ITGB5: variants seen among roughly 807,000 people sequenced by gnomAD.
ITGB5 encodes integrin subunit beta 5.
In ITGB5, 38 loss-of-function variants were observed where a neutral mutation model predicts 84.8. The ratio of observed to expected loss-of-function variants is 0.45; its 90% confidence interval spans 0.35 to 0.59. The LOEUF (loss-of-function observed/expected upper bound fraction) is 0.59, where lower values mean the gene tolerates loss of function less well. ITGB5 is among the 20% of genes least tolerant of loss of function. The probability of loss-of-function intolerance (pLI) is 0.01; values close to 1 mark genes in which losing one functional copy is unlikely to be tolerated. For missense variants in ITGB5, 905 were observed against 1,034.5 expected (o/e 0.87, Z 1.72); for synonymous variants, 393 against 414.4 (o/e 0.95, Z 0.63).
intron 12 of ITGB5, among the ~76,000 whole-genome samples, chr3:124,768,265 A>G (rs921045861): frequency 6.6e-6 from 1 of 152,210 alleles, no homozygotes; most frequent in African/African-American, 2.4e-5. Flanking sequence ...TTCAAGGTGC[A>G]TAATTTCCCC....
At chr3:124,804,865 C>G (rs2064370648) in intron 9 of ITGB5, among the ~76,000 whole-genome samples, 1 of 152,072 alleles carries the variant, frequency 6.6e-6, no homozygotes, top group South Asian at 2.1e-4. Flanking sequence ...CAGGGTTTCA[C>G]CATGTTGGCC....
chr3:124,837,756 G>C (rs1194446558), intron 5 of ITGB5, among the ~76,000 whole-genome samples: 1 of 152,212 alleles, frequency 6.6e-6, no homozygotes, highest in Non-Finnish European at 1.5e-5. Context: ...AAACAAGAAT[G>C]AGAATAAAAC....
intron 9 of ITGB5, among the ~76,000 whole-genome samples, chr3:124,799,997 T>TG (rs1171466382): frequency 6.6e-6 from 1 of 152,186 alleles, no homozygotes; most frequent in Non-Finnish European, 1.5e-5. Context: ...AAGCCACCCG[T>TG]GGGGCCATCA....
At chr3:124,887,618 G>C, upstream of ITGB5, 1 of 406,292 alleles carries the variant, frequency 2.5e-6, no homozygotes, top group South Asian at 1.7e-5. Context: ...TGGGGGGCTC[G>C]AAACCACTGA....
chr3:124,798,055 C>CTTTTTTTTTT lies in ITGB5; in HGVS notation c.1264-1248_1264-1239dup, dbSNP rs60292129. ...TTCTATTCTTTCGGCTAGAATAAAG[C>CTTTTTTTTTT]TTTTTTTTTTTTTTTTGAGGTGGAG... On this transcript the variant is annotated intron_variant, in intron 9 of 14. Transcript: ENST00000296181. Among the ~76,000 whole-genome samples the CTTTTTTTTTT allele has an allele frequency of 4.2e-3, 438 of 103,576 alleles. 67 individuals are homozygous for CTTTTTTTTTT. The highest frequency in any genetic ancestry group is 0.015 in the African/African-American group (378 of 24,970). The allele number at this position is 103,576 out of a possible 152,430, so 67.9% of individuals were successfully genotyped here. A position where few individuals can be genotyped will look rare whatever the true frequency, so the allele number is the denominator to read the frequency against.
intron 1 of ITGB5, among the ~76,000 whole-genome samples, chr3:124,885,938 C>G (rs1450759588): frequency 6.6e-6 from 1 of 152,232 alleles, no homozygotes; most frequent in African/African-American, 2.4e-5. Flanking sequence ...AACCACTTGG[C>G]TCACAAGAGC....
chr3:124,781,150 C>G (rs1008240847), intron 10 of ITGB5: 1 of 151,978 alleles, frequency 6.6e-6, no homozygotes, highest in Non-Finnish European at 1.5e-5. Flanking sequence ...GCTTGGCGCT[C>G]ACATGCTGGG....
At chr3:124,829,041 A>G (rs568851458) in intron 5 of ITGB5, among the ~76,000 whole-genome samples, 16 of 152,342 alleles carry the variant, frequency 1.1e-4, no homozygotes, top group African/African-American at 1.4e-4. Context: ...TATGGGATCA[A>G]TAGTAATTAA....
rs1397854575 is a variant in ITGB5, at chr3:124,859,408, A to G, written c.195T>C (p.Asp65=). Residue 65 remains aspartate (D), a synonymous_variant, in exon 3 of 15, where the codon GAT becomes GAC. Coordinates refer to ENST00000296181, the MANE Select transcript of ITGB5 (RefSeq NM_002213.5). ...GSPRSITSRC[D]LRANLVKNGC... ...CATTTTTGACAAGGTTTGCCCTCAG[A>G]TCACACCGAGAGGTGATGGACCGTG... 1 of 1,614,124 alleles carries G rather than the reference A, an allele frequency of 6.2e-7. No individual in the cohort carries two copies. Among genetic ancestry groups the G allele is most frequent in the Non-Finnish European group, 8.5e-7 (1 of 1,180,008 alleles).
chr3:124,870,004 C>T (rs553061352), intron 2 of ITGB5, among the ~76,000 whole-genome samples: 10 of 152,340 alleles, frequency 6.6e-5, no homozygotes, highest in African/African-American at 2.2e-4. Flanking sequence ...CTCTCATGCA[C>T]GGATCTCATT....
intron 3 of ITGB5, among the ~76,000 whole-genome samples, chr3:124,856,786 A>C (rs2065227313): frequency 6.6e-6 from 1 of 152,186 alleles, no homozygotes; most frequent in Admixed American, 6.5e-5. Flanking sequence ...TTTCGGTCCA[A>C]ACCCTGGACC....
At chr3:124,807,191 G>A (rs923047891) in intron 9 of ITGB5, among the ~76,000 whole-genome samples, 2 of 152,192 alleles carry the variant, frequency 1.3e-5, no homozygotes, top group African/African-American at 2.4e-5. Context: ...TGCAGTGGAA[G>A]GATCCCTTGA....
At chr3:124,797,535 T>C (rs1306234183) in intron 9 of ITGB5, among the ~76,000 whole-genome samples, 1 of 152,172 alleles carries the variant, frequency 6.6e-6, no homozygotes. Flanking sequence ...AAACAGAATA[T>C]GTAAGGAAGT....
At chr3:124,886,748 C>G (rs1934829975) in intron 1 of ITGB5, among the ~76,000 whole-genome samples, 183 bp downstream of exon 1, 2 of 151,696 alleles carry the variant, frequency 1.3e-5, no homozygotes, top group South Asian at 4.2e-4. Context: ...CACGACAGCC[C>G]GGCGGGGCTG....
In ITGB5 at chr3:124,841,631, GC is replaced by G. The variant is rs2065013192; in HGVS notation, c.612-81del. The G allele has an allele frequency of 2.2e-6, 3 of 1,383,774 alleles. No homozygotes were observed. In the South Asian group the frequency reaches 3.9e-5, roughly 18 times the overall value. 85.7% of individuals were successfully genotyped at this position (1,383,774 alleles called of 1,614,324 possible). On this transcript the variant is annotated intron_variant, in intron 4 of 14. Coordinates refer to ENST00000296181, the MANE Select transcript of ITGB5 (RefSeq NM_002213.5). ...CAAGTGTTCTGAGCATTCACTGAGT[GC>G]CTTGAGAGGCACCAATAACTATTTA...
chr3:124,891,593 CAA>C (rs59385283), upstream of ITGB5, among the ~76,000 whole-genome samples: 34 of 103,674 alleles, frequency 3.3e-4, no homozygotes, highest in Admixed American at 4.5e-4. Flanking sequence ...ATAACTGCCT[CAA>C]AAAAAAAAAA....
chr3:124,877,807 T>C (rs868860840), intron 1 of ITGB5, among the ~76,000 whole-genome samples: 12 of 151,978 alleles, frequency 7.9e-5, no homozygotes, highest in African/African-American at 2.4e-4. Flanking sequence ...AGAAAGGAAT[T>C]TGAGGTCAAA....
chr3:124,765,200 C>T (rs958161092), intron 13 of ITGB5, among the ~76,000 whole-genome samples: 1 of 152,132 alleles, frequency 6.6e-6, no homozygotes, highest in African/African-American at 2.4e-5. Context: ...TCTGCTCCAC[C>T]CCTGCCTCCC....
rs897627389 is a variant in ITGB5 at position 124,763,544 on chromosome 3, C to G, written c.*79G>C. 4.7e-6 allele frequency: 4 copies of G among 848,898 alleles called. No homozygotes were observed. The African/African-American group carries it at 5.0e-5, about 11-fold the overall frequency. The allele number at this position is 848,898 out of a possible 1,614,324, so 52.6% of individuals were successfully genotyped here. A position where few individuals can be genotyped will look rare whatever the true frequency, so the allele number is the denominator to read the frequency against. ...TGGTGCCTACCTAGGGAGCTGTGAT[C>G]AAGCCGAGCAGCCGTGCAAGGCGTT... On this transcript the variant is annotated 3_prime_UTR_variant, in exon 15 of 15. Coordinates refer to ENST00000296181, the MANE Select transcript of ITGB5 (RefSeq NM_002213.5).
Sources: allele counts gnomAD v4.1 joint callset (sites outside exome capture counted in the v4.1 genomes callset), GRCh38; gene constraint gnomAD v4.1.1; transcripts MANE v1.5; gene names NCBI Gene and HGNC (gene_info 2026-07-23, HGNC 2026-07-21).